The following CNTN6 variants were observed in gnomAD, a reference collection of about 807,000 sequenced individuals.
CNTN6 encodes contactin 6.
CNTN6 carries 137 observed loss-of-function variants against 122.8 expected under a neutral mutation model. That is an observed-to-expected ratio of 1.12 (90% CI 0.97 to 1.29). The LOEUF (loss-of-function observed/expected upper bound fraction) is 1.29, where lower values mean the gene tolerates loss of function less well. CNTN6 is among the 50% of genes most tolerant of loss of function. The pLI, the probability that CNTN6 is intolerant of heterozygous loss-of-function variation, is 0.00. For synonymous variants in CNTN6, 570 were observed against 426.0 expected, an observed-to-expected ratio of 1.34 and a Z score of -4.16; for missense variants, 1,634 against 1,223.4, an observed-to-expected ratio of 1.34 and a Z score of -5.01.
At chr3:1,164,163 T>C (rs1481411204) in intron 2 of CNTN6, among the ~76,000 whole-genome samples, 2 of 152,230 alleles carry the variant, frequency 1.3e-5, no homozygotes, top group African/African-American at 4.8e-5. Flanking sequence ...CGTCCTCTGT[T>C]TCCTTCTTCA....
At chr3:1,162,879 T>C (rs1161784861) in intron 2 of CNTN6, among the ~76,000 whole-genome samples, 1 of 152,214 alleles carries the variant, frequency 6.6e-6, no homozygotes, top group Non-Finnish European at 1.5e-5. Context: ...CCATTGCTTA[T>C]ATTTTTACAA....
chr3:1,329,795 A>G lies in CNTN6; in HGVS notation c.1224A>G (p.Pro408=). ...NAELRVLASA[P]DFSKSPVKKK... ...TGATTTTGTTTTTAGCCTCAGCTCCAGATTTCTCCAAAAGTCCAGTTAAAA... is the reference window on the plus strand; with the variant it reads ...TGATTTTGTTTTTAGCCTCAGCTCCGGATTTCTCCAAAAGTCCAGTTAAAA... Residue 408 remains proline, a synonymous_variant, in exon 11 of 23, where the codon CCA becomes CCG. Coordinates refer to ENST00000446702, the MANE Select transcript of CNTN6 (RefSeq NM_001289080.2). 1.9e-6 allele frequency: 3 copies of G among 1,606,604 alleles called. No individual in the cohort carries two copies. The highest frequency in any genetic ancestry group is 2.2e-5 in the South Asian group (2 of 89,926).
chr3:1,317,099 G>A (rs931398707), intron 7 of CNTN6, among the ~76,000 whole-genome samples: 1 of 151,858 alleles, frequency 6.6e-6, no homozygotes, highest in African/African-American at 2.4e-5. Context: ...ATTTAATTAG[G>A]AACTGTGAAA....
chr3:1,384,180 C>A (rs1297934176), intron 19 of CNTN6, among the ~76,000 whole-genome samples: 1 of 152,220 alleles, frequency 6.6e-6, no homozygotes, highest in African/African-American at 2.4e-5. Flanking sequence ...ATGCATTGTA[C>A]CCTTAAAATT....
Position 1,383,336 on chromosome 3 carries a change from T to C in CNTN6, c.2445T>C (p.Ser815=). The C allele has an allele frequency of 6.2e-7, 1 of 1,614,092 alleles. No individual in the cohort carries two copies. The change falls in exon 19 of 23, where the codon TCT becomes TCC. Residue 815 remains serine (S), a synonymous_variant. Transcript: ENST00000446702. ...GGGGAACTTCTCTCCAGAGTTTTTC[T>C]GCTTCTGAAATGGAGGTTTCATGGA... ...APRGTSLQSF[S]ASEMEVSWNA...
At chr3:1,399,819 C>A (rs1276589347) in intron 20 of CNTN6, among the ~76,000 whole-genome samples, 1 of 151,988 alleles carries the variant, frequency 6.6e-6, no homozygotes, top group Non-Finnish European at 1.5e-5. Flanking sequence ...AGGCACTTGC[C>A]CTCAAGAAAT....
chr3:1,257,257 AT>A (rs1255397872), intron 4 of CNTN6, among the ~76,000 whole-genome samples: 1 of 151,978 alleles, frequency 6.6e-6, no homozygotes, highest in East Asian at 1.9e-4. Context: ...ATATGTTAAT[AT>A]TTTTCTTTTA....
chr3:1,270,332 C>T (rs898120211), intron 4 of CNTN6, among the ~76,000 whole-genome samples: 3 of 152,094 alleles, frequency 2.0e-5, no homozygotes, highest in African/African-American at 7.2e-5. Context: ...AGAAGAGAAG[C>T]ATGGAGAGAT....
intron 4 of CNTN6, among the ~76,000 whole-genome samples, chr3:1,272,773 G>A (rs1469470435): frequency 1.3e-5 from 2 of 152,148 alleles, no homozygotes; most frequent in Non-Finnish European, 2.9e-5. Context: ...TCGTCTGATT[G>A]TGATCCTCAG....
chr3:1,332,472 AAG>A (rs1377127939), intron 11 of CNTN6, among the ~76,000 whole-genome samples: 1 of 149,790 alleles, frequency 6.7e-6, no homozygotes, highest in South Asian at 2.1e-4. Flanking sequence ...AGTGATAAGA[AAG>A]AGAGAAAGAA....
intron 8 of CNTN6, among the ~76,000 whole-genome samples, chr3:1,325,543 C>G (rs1455673951): frequency 6.6e-6 from 1 of 151,778 alleles, no homozygotes; most frequent in Non-Finnish European, 1.5e-5. Flanking sequence ...ACATTTTGCC[C>G]TTTTCCCACA....
intron 1 of CNTN6, among the ~76,000 whole-genome samples, chr3:1,122,758 A>G (rs910111207): frequency 6.6e-6 from 1 of 151,908 alleles, no homozygotes; most frequent in African/African-American, 2.4e-5. Context: ...AGGTTTATCT[A>G]CGTTTCGGCG....
At chr3:1,153,822 T>A (rs151034849) in intron 2 of CNTN6, among the ~76,000 whole-genome samples, 33 of 152,246 alleles carry the variant, frequency 2.2e-4, no homozygotes, top group African/African-American at 7.9e-4. Context: ...ACACAGCAAA[T>A]CCATGAAAAT....
intron 5 of CNTN6, among the ~76,000 whole-genome samples, chr3:1,292,282 C>G (rs1425670330): frequency 6.6e-6 from 1 of 152,160 alleles, no homozygotes; most frequent in Non-Finnish European, 1.5e-5. Context: ...TGTAAACAGA[C>G]AGCTGTAATA....
chr3:1,383,100 A>G lies in CNTN6; in HGVS notation c.2325A>G (p.Glu775=), dbSNP rs762365020. ...GCATCATCCCACTGTCTCCCTTTGA[A>G]GTCAAAGTGGGTGTGTATAATAATG... ...NESIIPLSPF[E]VKVGVYNNEG... is the part of the protein sequence containing the mutation. Residue 775 remains glutamate, a synonymous_variant, in exon 18 of 23, where the codon GAA becomes GAG. Transcript: ENST00000446702. 6.2e-7 allele frequency: 1 copy of G among 1,613,922 alleles called. No homozygotes were observed. The highest frequency in any genetic ancestry group is 8.5e-7 in the Non-Finnish European group (1 of 1,179,936).
chr3:1,349,695 G>T (rs185238532), intron 11 of CNTN6, among the ~76,000 whole-genome samples: 1 of 151,600 alleles, frequency 6.6e-6, no homozygotes, highest in Non-Finnish European at 1.5e-5. Context: ...CTGCTAAGAC[G>T]TGTTTAGATA....
intron 4 of CNTN6, among the ~76,000 whole-genome samples, chr3:1,245,667 T>C (rs1238139624): frequency 6.6e-6 from 1 of 151,368 alleles, no homozygotes; most frequent in East Asian, 2.0e-4. Flanking sequence ...ACCACCTGTT[T>C]CCCAAAAACC....
Position 1,190,476 on chromosome 3 carries a change from G to A in CNTN6, c.56-30211G>A, listed in dbSNP as rs1011791307. On this transcript the variant is annotated intron_variant, in intron 2 of 22. Transcript: ENST00000446702. ...CTTTTTGTATCATCGTTTTAGGCTTGGAGAATTCTAAACAGCCTCTAGGAA... is the reference window on the plus strand; with the variant it reads ...CTTTTTGTATCATCGTTTTAGGCTTAGAGAATTCTAAACAGCCTCTAGGAA... Among the ~76,000 whole-genome samples the A allele has an allele frequency of 2.6e-5, 4 of 152,222 alleles. No individual in the cohort carries two copies. The South Asian group carries it at 6.2e-4, about 24-fold the overall frequency.
intron 2 of CNTN6, among the ~76,000 whole-genome samples, chr3:1,200,747 T>C (rs2093851814): frequency 6.6e-6 from 1 of 152,200 alleles, no homozygotes; most frequent in Non-Finnish European, 1.5e-5. Context: ...CCTCATTCTT[T>C]AAGGAGGCTC....
Sources: gnomAD v4.1 joint callset for allele counts (sites outside exome capture counted in the v4.1 genomes callset) on GRCh38, gnomAD v4.1.1 for gene constraint, MANE v1.5 for transcripts, NCBI Gene and HGNC (gene_info 2026-07-23, HGNC 2026-07-21) for gene names.